Variants in HBP1 observed in about 807,000 individuals in gnomAD.
HBP1 encodes HMG-box transcription factor 1.
Under a neutral mutation model 62.6 loss-of-function variants are expected in HBP1, and 20 were observed. The observed-to-expected ratio is 0.32, with a 90% confidence interval of 0.22 to 0.46. The LOEUF is 0.46. HBP1 is among the 20% of genes least tolerant of loss of function. The probability of loss-of-function intolerance (pLI) is 1.00; values close to 1 mark genes in which losing one functional copy is unlikely to be tolerated. For missense variants in HBP1, 480 were observed against 611.8 expected, an observed-to-expected ratio of 0.78 and a Z score of 2.27; for synonymous variants, 232 against 206.2, an observed-to-expected ratio of 1.12 and a Z score of -1.07.
intron 8 of HBP1, among the ~76,000 whole-genome samples, chr7:107,191,207 C>A (rs1797630901): frequency 6.6e-6 from 1 of 152,046 alleles, no homozygotes; most frequent in Non-Finnish European, 1.5e-5. Flanking sequence ...ATGAGTGAAA[C>A]TATTATTAAA....
intron 6 of HBP1, 108 bp from the exon 7 acceptor site, chr7:107,189,184 T>G: frequency 1.2e-6 from 1 of 860,594 alleles, no homozygotes; most frequent in East Asian, 2.6e-5. Context: ...GCAGGGATCC[T>G]GTCTTGGTTA....
chr7:107,173,923 G>A (rs1206958463), intron 1 of HBP1, among the ~76,000 whole-genome samples: 1 of 152,210 alleles, frequency 6.6e-6, no homozygotes, highest in East Asian at 1.9e-4. Context: ...TCTACCAGGA[G>A]ATATTTGAAA....
intron 8 of HBP1, among the ~76,000 whole-genome samples, chr7:107,191,420 GAA>G (rs924919147): frequency 3.3e-5 from 5 of 152,272 alleles, no homozygotes; most frequent in African/African-American, 4.8e-5. Flanking sequence ...TAACCTGATA[GAA>G]AAATTTTGGA....
chr7:107,195,575 G>A (rs1471874574), intron 8 of HBP1, among the ~76,000 whole-genome samples: 3 of 152,052 alleles, frequency 2.0e-5, no homozygotes, highest in African/African-American at 7.2e-5. Flanking sequence ...TTCCTTTGGG[G>A]GGTTCAAAGT....
Position 107,169,181 on chromosome 7 carries a change from G to A in HBP1, c.-20G>A, listed in dbSNP as rs1796420519. The A allele has an allele frequency of 3.7e-6, 4 of 1,091,150 alleles. No homozygotes were observed. The highest frequency in any genetic ancestry group is 8.3e-5 in the East Asian group (1 of 12,004). 67.6% of individuals were successfully genotyped at this position (1,091,150 alleles called of 1,614,324 possible). ...CGCGCCTGGGCTGCCGGCACTTCGC[G>A]GCAGGTTTGTTGTCTTTCAGTTAGG... On this transcript the variant is annotated 5_prime_UTR_variant, in exon 1 of 11. Transcript: ENST00000222574.
chr7:107,185,920 A>G lies in HBP1; in HGVS notation c.518A>G (p.Glu173Gly). The change falls in exon 4 of 11, where the codon GAA (glutamate) becomes GGA (glycine). Residue 173 changes from glutamate (E) to glycine (G), a missense_variant. Glu to Gly is a moderately conservative substitution (Grantham distance 98). Around this residue, in one of 4 missense-constraint regions of HBP1, gnomAD observed 304 missense variants for 330.9 expected, o/e 0.92. Transcript: ENST00000222574. ...TTCCCTCATCACCATTGGAAGGAGG[A>G]AACACCAGTAAGACACGAAAGGGTA... ...PAFPHHHWKEETPVRHERANS... is the reference protein window; with the variant it reads ...PAFPHHHWKEGTPVRHERANS... The G allele has an allele frequency of 1.2e-6, 2 of 1,612,864 alleles. No individual in the cohort carries two copies. The highest frequency in any genetic ancestry group is 1.7e-6 in the Non-Finnish European group (2 of 1,178,876).
chr7:107,185,974 A>G (rs916357854), intron 4 of HBP1, 32 bp downstream of exon 4: 36 of 1,540,374 alleles, frequency 2.3e-5, no homozygotes, highest in Non-Finnish European at 2.8e-5. Context: ...AACTTTTACA[A>G]AGTTTGTACA....
chr7:107,194,093 C>CT (rs1454474143), intron 8 of HBP1, among the ~76,000 whole-genome samples: 1 of 152,034 alleles, frequency 6.6e-6, no homozygotes, highest in Non-Finnish European at 1.5e-5. Flanking sequence ...GAATGCTTAC[C>CT]TAAGGTAGTA....
At chr7:107,171,060 T>TAA (rs1796548335) in intron 1 of HBP1, among the ~76,000 whole-genome samples, 1 of 65,864 alleles carries the variant, frequency 1.5e-5, no homozygotes, top group African/African-American at 1.5e-4. Flanking sequence ...TATATATATA[T>TAA]ATATATATAT....
intron 6 of HBP1, among the ~76,000 whole-genome samples, chr7:107,187,162 A>C (rs983013868): frequency 1.3e-5 from 2 of 152,254 alleles, no homozygotes; most frequent in Admixed American, 1.3e-4. Flanking sequence ...CTGAGGCAGG[A>C]GAATGGTGTG....
intron 1 of HBP1, among the ~76,000 whole-genome samples, chr7:107,174,215 G>A (rs1584474267): frequency 6.6e-6 from 1 of 152,230 alleles, no homozygotes; most frequent in Non-Finnish European, 1.5e-5. Flanking sequence ...TACACAGCTA[G>A]TAAGAGTGAA....
chr7:107,171,259 A>G (rs892026023), intron 1 of HBP1, among the ~76,000 whole-genome samples: 2 of 150,636 alleles, frequency 1.3e-5, no homozygotes, highest in African/African-American at 4.9e-5. Flanking sequence ...TTTAATAGAA[A>G]CGGGGTTTCA....
At chr7:107,170,357 A>C (rs1485838743) in intron 1 of HBP1, among the ~76,000 whole-genome samples, 1 of 152,228 alleles carries the variant, frequency 6.6e-6, no homozygotes, top group African/African-American at 2.4e-5. Flanking sequence ...GAATAATTTT[A>C]ACATTGGAAA....
intron 1 of HBP1, among the ~76,000 whole-genome samples, chr7:107,172,093 G>A (rs1273758199): frequency 6.6e-6 from 1 of 151,704 alleles, no homozygotes; most frequent in African/African-American, 2.4e-5. Flanking sequence ...ATTTACTTTG[G>A]TGCTTCATAA....
intron 1 of HBP1, among the ~76,000 whole-genome samples, chr7:107,170,486 A>G (rs891705462): frequency 6.7e-6 from 1 of 148,666 alleles, no homozygotes; most frequent in African/African-American, 2.6e-5. Flanking sequence ...TCATCTGTTC[A>G]GTTGCCTTGG....
chr7:107,171,069 ATATATTT>A (rs1302213637), intron 1 of HBP1, among the ~76,000 whole-genome samples: 3 of 72,378 alleles, frequency 4.1e-5, no homozygotes, highest in African/African-American at 3.2e-4. Context: ...ATATATATAT[ATATATTT>A]TTTTTTTTTT....
intron 3 of HBP1, among the ~76,000 whole-genome samples, chr7:107,185,199 AAAAAT>A (rs1797294337): frequency 6.6e-6 from 1 of 152,236 alleles, no homozygotes. Context: ...TTTGAGGAGA[AAAAAT>A]AACTAGACCT....
chr7:107,192,476 T>G (rs961394292), intron 8 of HBP1: 3 of 152,118 alleles, frequency 2.0e-5, no homozygotes, highest in African/African-American at 7.2e-5. Flanking sequence ...TGAAAAAGAA[T>G]GATTAACATT....
intron 3 of HBP1, among the ~76,000 whole-genome samples, chr7:107,184,493 A>G (rs1797257589): frequency 6.6e-6 from 1 of 152,148 alleles, no homozygotes; most frequent in Non-Finnish European, 1.5e-5. Context: ...AAAATTGGAA[A>G]GATGTCCTTT....
Sources: allele counts gnomAD v4.1 joint callset (sites outside exome capture counted in the v4.1 genomes callset), GRCh38; gene constraint gnomAD v4.1.1; regional missense constraint gnomAD v4.1.1; transcripts MANE v1.5; gene names NCBI Gene and HGNC (gene_info 2026-07-23, HGNC 2026-07-21).